CDH12: variants seen among roughly 807,000 people sequenced by gnomAD.
CDH12 encodes the protein cadherin-12.
In CDH12, 41 loss-of-function variants were observed where a neutral mutation model predicts 74.1. The ratio of observed to expected loss-of-function variants is 0.55; its 90% confidence interval spans 0.43 to 0.72. CDH12 has a LOEUF of 0.72. CDH12 is among the 30% of genes least tolerant of loss of function. The probability of loss-of-function intolerance (pLI) is 0.00; values close to 1 mark genes in which losing one functional copy is unlikely to be tolerated. For missense variants in CDH12, 945 were observed against 977.2 expected, an observed-to-expected ratio of 0.97 and a Z score of 0.44; for synonymous variants, 399 against 355.0, an observed-to-expected ratio of 1.12 and a Z score of -1.39.
intron 3 of CDH12, among the ~76,000 whole-genome samples, chr5:22,342,802 CTCTT>C (rs932972203): frequency 1.4e-4 from 19 of 138,668 alleles, no homozygotes; most frequent in East Asian, 2.3e-4. Flanking sequence ...TCCCTTCTTT[CTCTT>C]TCTTTCTCTC....
intron 1 of CDH12, among the ~76,000 whole-genome samples, chr5:22,650,489 C>A (rs1281171380): frequency 6.6e-6 from 1 of 152,014 alleles, no homozygotes; most frequent in Non-Finnish European, 1.5e-5. Flanking sequence ...TCTATTAATT[C>A]TTTACTCCCT....
chr5:22,719,495 T>G (rs1743766003), intron 1 of CDH12, among the ~76,000 whole-genome samples: 1 of 152,156 alleles, frequency 6.6e-6, no homozygotes. Flanking sequence ...AGGACGTGAA[T>G]GCATGTGACT....
chr5:22,171,481 C>T (rs1561186684), intron 4 of CDH12, among the ~76,000 whole-genome samples: 1 of 151,854 alleles, frequency 6.6e-6, no homozygotes, highest in Non-Finnish European at 1.5e-5. Context: ...CTTTGGCATA[C>T]ATTTAGACTT....
At chr5:21,928,080 A>T (rs1754670803) in intron 6 of CDH12, among the ~76,000 whole-genome samples, 1 of 152,122 alleles carries the variant, frequency 6.6e-6, no homozygotes, top group Non-Finnish European at 1.5e-5. Context: ...TAAAAAAAAA[A>T]TAAAAGAATG....
At chr5:22,835,890 G>A (rs1736796461) in intron 1 of CDH12, among the ~76,000 whole-genome samples, 1 of 152,122 alleles carries the variant, frequency 6.6e-6, no homozygotes, top group South Asian at 2.1e-4. Flanking sequence ...TTCTCCTTCA[G>A]GGAAGTGATT....
chr5:22,480,408 C>T (rs1746340222), intron 2 of CDH12, among the ~76,000 whole-genome samples: 1 of 151,618 alleles, frequency 6.6e-6, no homozygotes, highest in South Asian at 2.1e-4. Flanking sequence ...CATGGTGAAA[C>T]TTTGTCTCTA....
chr5:22,209,836 G>C (rs1462243504), intron 4 of CDH12, among the ~76,000 whole-genome samples: 1 of 152,116 alleles, frequency 6.6e-6, no homozygotes, highest in African/African-American at 2.4e-5. Flanking sequence ...TGAGTATCAT[G>C]TCAAGGGCTG....
chr5:22,188,248 T>G (rs189925120), intron 4 of CDH12, among the ~76,000 whole-genome samples: 246 of 152,240 alleles, frequency 1.6e-3, no homozygotes, highest in Middle Eastern at 0.01. Flanking sequence ...GAGAGTGGAT[T>G]GTAATAGAGC....
At chr5:22,226,345 CCCTATAAAAACAGTGTTTTCT>C (rs1752194692) in intron 3 of CDH12, among the ~76,000 whole-genome samples, 5 of 151,886 alleles carry the variant, frequency 3.3e-5, no homozygotes, top group Middle Eastern at 6.8e-3. Flanking sequence ...ATTTAATGCA[CCCTATAAAAACAGTGTTTTCT>C]CTAGTTGGGG....
intron 3 of CDH12, among the ~76,000 whole-genome samples, chr5:22,280,333 A>G (rs1437521725): frequency 6.6e-6 from 1 of 152,204 alleles, no homozygotes; most frequent in Non-Finnish European, 1.5e-5. Flanking sequence ...AAGAGCAAAC[A>G]CATTCAAAAG....
chr5:22,527,532 A>G (rs1312255127), intron 1 of CDH12, among the ~76,000 whole-genome samples: 5 of 152,266 alleles, frequency 3.3e-5, no homozygotes, highest in Admixed American at 3.3e-4. Flanking sequence ...TGTGCTGCCC[A>G]TTATGGTAAC....
intron 1 of CDH12, among the ~76,000 whole-genome samples, chr5:22,518,368 T>C (rs10065261): frequency 0.15 from 22,814 of 152,088 alleles, 2,365 homozygotes; most frequent in East Asian, 0.36. Flanking sequence ...ATAATATAGT[T>C]CTTCTTGCCA....
intron 6 of CDH12, among the ~76,000 whole-genome samples, chr5:21,875,424 T>C (rs1394114112): frequency 6.6e-6 from 1 of 152,220 alleles, no homozygotes; most frequent in Non-Finnish European, 1.5e-5. Context: ...GTTTAAATTC[T>C]TCAACTTTGT....
chr5:21,780,624 A>G (rs1267113815), intron 11 of CDH12, among the ~76,000 whole-genome samples: 2 of 152,172 alleles, frequency 1.3e-5, no homozygotes, highest in Non-Finnish European at 2.9e-5. Flanking sequence ...ATAATCTTTT[A>G]TTATGGACAA....
chr5:22,512,276 T>C (rs1007703326), intron 1 of CDH12, among the ~76,000 whole-genome samples: 1 of 152,148 alleles, frequency 6.6e-6, no homozygotes, highest in African/African-American at 2.4e-5. Flanking sequence ...AAAGAGGATA[T>C]ATTAAAGAAT....
intron 1 of CDH12, among the ~76,000 whole-genome samples, chr5:22,639,501 G>A (rs1295451007): frequency 7.7e-6 from 1 of 130,710 alleles, no homozygotes; most frequent in Non-Finnish European, 1.6e-5. Flanking sequence ...TGGCCGTCTT[G>A]ACACTGACCA....
rs1423655976 is a variant in CDH12, at chr5:22,493,688, A to C, written c.-428+11582T>G. Among the ~76,000 whole-genome samples, 5 of 152,076 alleles carry C rather than the reference A, an allele frequency of 3.3e-5. No homozygotes were observed. The East Asian group carries it at 9.7e-4, about 29-fold the overall frequency. ...GAATAAAAGAGGAGAAAGCCATTCC[A>C]TTAAGATGGAAAAGTTTATGGATAC... On this transcript the variant is annotated intron_variant, in intron 2 of 14. Coordinates refer to ENST00000382254, the MANE Select transcript of CDH12 (RefSeq NM_004061.5).
chr5:22,256,461 A>C (rs1753322713), intron 3 of CDH12, among the ~76,000 whole-genome samples: 1 of 152,180 alleles, frequency 6.6e-6, no homozygotes, highest in East Asian at 1.9e-4. Context: ...ACAGCACATA[A>C]TAATTGATCA....
At chr5:22,084,144 G>A (rs1044630403) in intron 4 of CDH12, among the ~76,000 whole-genome samples, 2 of 152,044 alleles carry the variant, frequency 1.3e-5, no homozygotes, top group African/African-American at 4.8e-5. Flanking sequence ...AGCCCATCAA[G>A]GCACTAAACA....
Sources: gnomAD v4.1 joint callset for allele counts (sites outside exome capture counted in the v4.1 genomes callset) on GRCh38, gnomAD v4.1.1 for gene constraint, MANE v1.5 for transcripts, NCBI Gene and HGNC (gene_info 2026-07-23, HGNC 2026-07-21) for gene names.